Variants in NR3C2 observed in about 807,000 individuals in gnomAD.
NR3C2 encodes mineralocorticoid receptor.
NR3C2 carries 15 observed loss-of-function variants against 86.4 expected under a neutral mutation model. The ratio of observed to expected loss-of-function variants is 0.17; its 90% CI spans 0.12 to 0.27. NR3C2 has a LOEUF of 0.27. Among genes scored for constraint, NR3C2 ranks in the 10% least tolerant of loss-of-function variants. NR3C2 has a pLI of 1.00. For synonymous variants in NR3C2, 458 were observed against 450.5 expected (o/e 1.02, Z -0.21); for missense variants, 960 against 1,195.6 (o/e 0.80, Z 2.91).
upstream of NR3C2, chr4:148,442,646 C>T: frequency 2.0e-6 from 2 of 985,458 alleles, no homozygotes; most frequent in Non-Finnish European, 2.4e-6. Context: ...ATTGGACAAT[C>T]CAGGCTGTCA....
rs909714500 is a variant in NR3C2 at position 148,321,215 on chromosome 4, T to C, written c.1758-61098A>G. On this transcript the variant is annotated intron_variant, in intron 2 of 8. Coordinates refer to ENST00000358102, the MANE Select transcript of NR3C2 (RefSeq NM_000901.5). ...GAGTGAGATTCTTAATCCTGAGTTC[T>C]AGTTTGATTGCACTGTGGTCTGAGA... Among the ~76,000 whole-genome samples, 7 of 130,306 alleles carry C rather than the reference T, an allele frequency of 5.4e-5. 1 individual carries two copies. Among genetic ancestry groups the C allele is most frequent in the Non-Finnish European group, 8.6e-5 (5 of 57,944 alleles). The allele number at this position is 130,306 out of a possible 152,430, so 85.5% of individuals were successfully genotyped here.
chr4:148,210,461 G>C (rs1025059916), intron 3 of NR3C2, among the ~76,000 whole-genome samples: 2 of 152,190 alleles, frequency 1.3e-5, no homozygotes, highest in African/African-American at 4.8e-5. Flanking sequence ...AAAGTGCTGG[G>C]ATTACAGGCA....
chr4:148,196,138 T>C lies in NR3C2; in HGVS notation c.1898-1276A>G, dbSNP rs369773506. Among the ~76,000 whole-genome samples, 40 of 152,180 alleles carry C rather than the reference T, an allele frequency of 2.6e-4. No individual in the cohort carries two copies. The South Asian group carries it at 3.1e-3, about 12-fold the overall frequency. On this transcript the variant is annotated intron_variant, in intron 3 of 8. Transcript: ENST00000358102. ...GCAGTGGCAGTGGTGAGATTCTAGA[T>C]GTATTCCAAAAGTAGAGCTGCAAGG...
chr4:148,233,783 T>A (rs1020694123), intron 3 of NR3C2, among the ~76,000 whole-genome samples: 5 of 152,140 alleles, frequency 3.3e-5, no homozygotes, highest in Admixed American at 1.3e-4. Context: ...TCATGGTTTG[T>A]GGCACCCCAA....
chr4:148,406,017 T>G (rs2126548897), intron 2 of NR3C2, among the ~76,000 whole-genome samples: 1 of 152,252 alleles, frequency 6.6e-6, no homozygotes, highest in South Asian at 2.1e-4. Context: ...ATTTTTAAAT[T>G]TAGCCAGGTG....
At chr4:148,151,284 C>A (rs758294411) in intron 6 of NR3C2, among the ~76,000 whole-genome samples, 32 of 151,932 alleles carry the variant, frequency 2.1e-4, no homozygotes, top group African/African-American at 7.0e-4. Context: ...AAACAAGAAC[C>A]CTCTTTAATA....
chr4:148,190,081 T>A (rs1736124371), intron 4 of NR3C2, among the ~76,000 whole-genome samples: 1 of 152,154 alleles, frequency 6.6e-6, no homozygotes. Context: ...TTCTGCTGGG[T>A]TTGGGTTTGG....
At chr4:148,376,232 G>A in intron 2 of NR3C2, among the ~76,000 whole-genome samples, 1 of 151,320 alleles carries the variant, frequency 6.6e-6, no homozygotes, top group East Asian at 1.9e-4. Context: ...ACTCTTTGGT[G>A]TAGAAGGAGA....
intron 2 of NR3C2, among the ~76,000 whole-genome samples, chr4:148,410,007 A>G (rs1390981506): frequency 6.6e-6 from 1 of 152,172 alleles, no homozygotes; most frequent in Non-Finnish European, 1.5e-5. Context: ...TTTAAACTAC[A>G]TAAATTCCAA....
intron 3 of NR3C2, among the ~76,000 whole-genome samples, chr4:148,246,599 T>C (rs1257108989): frequency 6.6e-6 from 1 of 152,198 alleles, no homozygotes; most frequent in Non-Finnish European, 1.5e-5. Context: ...TTGCCCAGGC[T>C]GGAGTGCAAC....
At chr4:148,345,728 G>A (rs1157358401) in intron 2 of NR3C2, among the ~76,000 whole-genome samples, 1 of 151,476 alleles carries the variant, frequency 6.6e-6, no homozygotes, top group Non-Finnish European at 1.5e-5. Context: ...TAAACCTGAG[G>A]ACTTTAATAC....
intron 8 of NR3C2, among the ~76,000 whole-genome samples, chr4:148,100,131 A>G (rs896240459): frequency 1.3e-5 from 2 of 152,238 alleles, no homozygotes; most frequent in African/African-American, 4.8e-5. Context: ...ATCATAAGAA[A>G]AATACTTTTT....
chr4:148,316,817 T>C (rs528062334), intron 2 of NR3C2, among the ~76,000 whole-genome samples: 1 of 152,310 alleles, frequency 6.6e-6, no homozygotes, highest in South Asian at 2.1e-4. Context: ...TTGTTTGTTT[T>C]CTGAGACAGG....
chr4:148,192,549 T>C (rs1223554754), intron 4 of NR3C2, among the ~76,000 whole-genome samples: 1 of 151,374 alleles, frequency 6.6e-6, no homozygotes, highest in Non-Finnish European at 1.5e-5. Context: ...CTCCCAAGAG[T>C]ATATGCCCTT....
chr4:148,335,995 G>C, intron 2 of NR3C2, among the ~76,000 whole-genome samples: 1 of 152,262 alleles, frequency 6.6e-6, no homozygotes, highest in East Asian at 1.9e-4. Context: ...TGAAGTTATT[G>C]ATTTTTGTTT....
At chr4:148,352,747 A>C (rs776911954) in intron 2 of NR3C2, among the ~76,000 whole-genome samples, 9 of 152,204 alleles carry the variant, frequency 5.9e-5, no homozygotes, top group Non-Finnish European at 1.0e-4. Flanking sequence ...ATATTTTAAT[A>C]AATGTTTTGG....
chr4:148,186,518 G>A (rs1409808127), intron 4 of NR3C2, among the ~76,000 whole-genome samples: 1 of 152,034 alleles, frequency 6.6e-6, no homozygotes, highest in Non-Finnish European at 1.5e-5. Flanking sequence ...ATCCTCAGGG[G>A]ATTGGTTCCA....
In NR3C2 at chr4:148,146,940, AAAG is replaced by A. The variant is rs1174701303; in HGVS notation, c.2510+5526_2510+5528del. 2.0e-5 allele frequency among the ~76,000 whole-genome samples: 3 copies of A among 152,366 alleles called. No homozygotes were observed. In the East Asian group the frequency reaches 5.8e-4, roughly 29 times the overall value. On this transcript the variant is annotated intron_variant, in intron 6 of 8. Coordinates refer to ENST00000358102, the MANE Select transcript of NR3C2 (RefSeq NM_000901.5). ...AACCTTCATTTCAGATCTTATAAAA[AAAG>A]AAAAAAAAAGTCATTACAGGCTTCA... is the stretch of plus-strand genomic sequence containing the variant.
At chr4:148,095,843 A>C (rs948772175) in intron 8 of NR3C2, among the ~76,000 whole-genome samples, 3 of 152,152 alleles carry the variant, frequency 2.0e-5, no homozygotes, top group Admixed American at 6.5e-5. Context: ...ATGAGAAATC[A>C]AGGTCATTTC....
Sources: allele counts gnomAD v4.1 joint callset (sites outside exome capture counted in the v4.1 genomes callset), GRCh38; gene constraint gnomAD v4.1.1; transcripts MANE v1.5; gene names NCBI Gene and HGNC (gene_info 2026-07-23, HGNC 2026-07-21).